Variants in UBE2F observed in about 807,000 individuals in gnomAD.
UBE2F encodes the protein NEDD8-conjugating enzyme UBE2F.
In UBE2F, 5 loss-of-function variants were observed where a neutral mutation model predicts 29.6. That is an observed-to-expected ratio of 0.17 (90% CI 0.09 to 0.36). The LOEUF is 0.36. UBE2F is among the 10% of genes least tolerant of loss of function. UBE2F has a pLI of 1.00. For missense variants in UBE2F, 141 were observed against 228.5 expected (o/e 0.62, Z 2.47); for synonymous variants, 66 against 81.8 (o/e 0.81, Z 1.04).
intron 2 of UBE2F, among the ~76,000 whole-genome samples, chr2:237,985,895 G>T (rs563746736): frequency 6.6e-6 from 1 of 152,260 alleles, no homozygotes; most frequent in South Asian, 2.1e-4. Context: ...TAACAGGTGT[G>T]AGGTGATTTC....
intron 4 of UBE2F, 40 bp downstream of exon 4, chr2:237,994,849 C>T (rs1440686589): frequency 1.3e-5 from 20 of 1,549,982 alleles, no homozygotes; most frequent in East Asian, 1.1e-4. Context: ...TTTCAAACAG[C>T]GAATTATAAA....
intron 9 of UBE2F, 43 bp from the exon 10 acceptor site, chr2:238,041,245 T>TA: frequency 6.3e-7 from 1 of 1,595,812 alleles, no homozygotes; most frequent in Non-Finnish European, 8.6e-7. Context: ...ACTCACTCAC[T>TA]CCTCCTGTTC....
chr2:238,001,312 C>T (rs553326780), intron 4 of UBE2F, among the ~76,000 whole-genome samples: 3 of 152,174 alleles, frequency 2.0e-5, no homozygotes, highest in South Asian at 2.1e-4. Context: ...GGATTACAGG[C>T]GTGAGCCACC....
intron 2 of UBE2F, among the ~76,000 whole-genome samples, chr2:237,975,952 T>TTTTTTTTTTTTTTTTTTTTGAG (rs2063274297): frequency 6.6e-6 from 1 of 152,222 alleles, no homozygotes; most frequent in African/African-American, 2.4e-5. Context: ...CTCTTTTTCT[T>TTTTTTTTTTTTTTTTTTTTGAG]ACTCTCCTTC....
chr2:238,010,350 T>G (rs2063996323), intron 4 of UBE2F, among the ~76,000 whole-genome samples: 1 of 152,196 alleles, frequency 6.6e-6, no homozygotes, highest in African/African-American at 2.4e-5. Context: ...ATTTTTGTAT[T>G]CTTAGTATAG....
rs1240722079 is a variant in UBE2F at position 237,975,161 on chromosome 2, G to A, written c.118+1936G>A. ...TCTATCACCAGCCTGGAGTGCAGTG[G>A]CGTAATCATGGCTCACTGCAGCTTC... On this transcript the variant is annotated intron_variant, in intron 2 of 9. Transcript: ENST00000272930. Among the ~76,000 whole-genome samples, 3 of 152,184 alleles carry A rather than the reference G, an allele frequency of 2.0e-5. No individual in the cohort carries two copies. The East Asian group carries it at 5.8e-4, about 29-fold the overall frequency.
intron 2 of UBE2F, chr2:237,986,209 G>A (rs1258963014): frequency 2.7e-6 from 1 of 373,436 alleles, no homozygotes; most frequent in South Asian, 2.0e-5. Context: ...GAGCGCAGTG[G>A]TGTGGTCCCG....
intron 2 of UBE2F, among the ~76,000 whole-genome samples, chr2:237,975,476 CCT>C (rs906779310): frequency 6.6e-6 from 1 of 152,084 alleles, no homozygotes; most frequent in Non-Finnish European, 1.5e-5. Flanking sequence ...ATTCGAACTC[CCT>C]GTTTTCATGT....
At chr2:237,989,829 A>G (rs904730182) in intron 3 of UBE2F, among the ~76,000 whole-genome samples, 1 of 151,780 alleles carries the variant, frequency 6.6e-6, no homozygotes, top group African/African-American at 2.4e-5. Flanking sequence ...TTAAAAGGTT[A>G]TCTTTCTGGC....
intron 4 of UBE2F, among the ~76,000 whole-genome samples, chr2:238,012,020 A>G (rs2064042346): frequency 6.7e-6 from 1 of 148,792 alleles, no homozygotes; most frequent in Non-Finnish European, 1.5e-5. Flanking sequence ...CTGGGACTAC[A>G]GGCACACACC....
chr2:238,013,193 C>T (rs2064080135), intron 4 of UBE2F, among the ~76,000 whole-genome samples: 1 of 152,010 alleles, frequency 6.6e-6, no homozygotes, highest in African/African-American at 2.4e-5. Flanking sequence ...TCACCTGAGC[C>T]CTGGAGTTCG....
chr2:237,981,345 C>G (rs2063372031), intron 2 of UBE2F, among the ~76,000 whole-genome samples: 2 of 152,236 alleles, frequency 1.3e-5, no homozygotes, highest in Admixed American at 1.3e-4. Context: ...TTTGTGACAA[C>G]TCCCTGAGAT....
At chr2:237,974,315 C>G (rs1279668038) in intron 2 of UBE2F, among the ~76,000 whole-genome samples, 3 of 151,932 alleles carry the variant, frequency 2.0e-5, no homozygotes, top group Admixed American at 6.6e-5. Context: ...CTCAGACTCT[C>G]GAGTAGCTGG....
At chr2:237,999,903 C>A (rs2063761819) in intron 4 of UBE2F, among the ~76,000 whole-genome samples, 1 of 151,180 alleles carries the variant, frequency 6.6e-6, no homozygotes. Context: ...CAGCTCACTG[C>A]AACCTCCACC....
In UBE2F at chr2:238,004,716, C is replaced by A. The variant is rs2063865939; in HGVS notation, c.214+9907C>A. Among the ~76,000 whole-genome samples the A allele has an allele frequency of 1.3e-5, 2 of 152,062 alleles. 1 individual carries two copies. Among genetic ancestry groups the A allele is most frequent in the South Asian group, 4.2e-4 (2 of 4,818 alleles). ...CAGATAAATTAAGATTGCTAGTCAT[C>A]TGATCTTAAGGGAGGGAGATTGTCC... On this transcript the variant is annotated intron_variant, in intron 4 of 9. Transcript: ENST00000272930.
In UBE2F at chr2:237,990,755, T is replaced by C. The variant is rs201498205; in HGVS notation, c.148+2763T>C. Among the ~76,000 whole-genome samples, 118 of 150,862 alleles carry C rather than the reference T, an allele frequency of 7.8e-4. 1 individual carries two copies. Among genetic ancestry groups the C allele is most frequent in the East Asian group, 3.5e-3 (18 of 5,120 alleles). ...CAACCTGGGCGACAGAGTGAGACTC[T>C]GTCTCAAAAAAAAAATAATAATAAA... On this transcript the variant is annotated intron_variant, in intron 3 of 9. Transcript: ENST00000272930.
intron 1 of UBE2F, chr2:237,968,716 C>A: frequency 3.3e-6 from 1 of 304,000 alleles, no homozygotes; most frequent in Non-Finnish European, 4.8e-6. Flanking sequence ...AGGTCCCACC[C>A]AGAGGAGGAA....
intron 3 of UBE2F, among the ~76,000 whole-genome samples, chr2:237,989,010 A>G (rs926384286): frequency 1.3e-5 from 2 of 152,214 alleles, no homozygotes; most frequent in South Asian, 2.1e-4. Flanking sequence ...TCTCTCTATC[A>G]TTAATCTTCC....
intron 2 of UBE2F, chr2:237,973,749 T>C: frequency 8.0e-7 from 1 of 1,242,786 alleles, no homozygotes; most frequent in Non-Finnish European, 1.0e-6. Context: ...TCCATGTTGG[T>C]GAGGAGAAAC....
Sources: allele counts gnomAD v4.1 joint callset (sites outside exome capture counted in the v4.1 genomes callset), GRCh38; gene constraint gnomAD v4.1.1; transcripts MANE v1.5; gene names NCBI Gene and HGNC (gene_info 2026-07-23, HGNC 2026-07-21).